The following ZNF705A variants were observed in gnomAD, a reference collection of about 807,000 sequenced individuals.
ZNF705A encodes the protein zinc finger protein 705A.
In ZNF705A, 8 loss-of-function variants were observed where a neutral mutation model predicts 16.6. The observed-to-expected ratio is 0.48, with a 90% CI of 0.28 to 0.87. The LOEUF (loss-of-function observed/expected upper bound fraction) is 0.87. ZNF705A is among the 40% of genes least tolerant of loss of function. The pLI is 0.10. For synonymous variants in ZNF705A, 73 were observed against 117.3 expected (o/e 0.62, Z 2.44); for missense variants, 233 against 359.9 (o/e 0.65, Z 2.85).
chr12:8,164,136 G>C (rs866980328), intron 1 of ZNF705A, among the ~76,000 whole-genome samples: 2 of 152,066 alleles, frequency 1.3e-5, no homozygotes, highest in African/African-American at 4.8e-5. Flanking sequence ...TTTTAAGTAT[G>C]CAATACAGTA....
chr12:8,178,911 C>T (rs930671851), exon 5 of ZNF705A: 13 of 152,240 alleles, frequency 8.5e-5, no homozygotes, highest in African/African-American at 3.1e-4. Flanking sequence ...CCTCACAGCT[C>T]ACCTCCCTTT....
At chr12:8,165,596 C>A (rs1385220486) in intron 1 of ZNF705A, among the ~76,000 whole-genome samples, 1 of 151,202 alleles carries the variant, frequency 6.6e-6, no homozygotes, top group Non-Finnish European at 1.5e-5. Flanking sequence ...TTGTGTGATG[C>A]TGAGGAGTAT....
At chr12:8,170,196 C>CAAAAAAAAAAAAAAAAAAAAA (rs1188328005), upstream of ZNF705A, among the ~76,000 whole-genome samples, 7 of 126,514 alleles carry the variant, frequency 5.5e-5, 1 homozygote, top group African/African-American at 2.2e-4. Flanking sequence ...CCCCCCCCCC[C>CAAAAAAAAAAAAAAAAAAAAA]AAAAAAAAAA....
rs773953253 is a variant in ZNF705A at position 8,177,458 on chromosome 12, A to G, written c.778A>G (p.Lys260Glu). The stretch of plus-strand genomic sequence containing the variant: ...TGGAAAAAAGTGTTATGAATGTGAT[A>G]AAAGTGGGAAAGCCTTTAGTCAAAG... Residue 260 changes from lysine to glutamate, a missense_variant, in exon 5 of 5, where the codon AAA becomes GAA. Lys to Glu is a moderately conservative substitution (Grantham distance 56, BLOSUM62 1). This residue lies in a region of ZNF705A where 220 missense variants were observed against 271.4 expected (regional missense o/e 0.81). Transcript: ENST00000359286. 5.0e-6 allele frequency: 8 copies of G among 1,612,230 alleles called. No individual in the cohort carries two copies. In the East Asian group the frequency reaches 1.8e-4, roughly 36 times the overall value.
intron 3 of ZNF705A, among the ~76,000 whole-genome samples, 164 bp from the exon 5 acceptor site, chr12:8,175,696 C>T (rs1005981171): frequency 5.3e-5 from 8 of 152,130 alleles, no homozygotes; most frequent in East Asian, 3.9e-4. Flanking sequence ...TTCTAATTGC[C>T]GACACTGTAC....
chr12:8,164,284 C>T (rs1396636110), intron 1 of ZNF705A, among the ~76,000 whole-genome samples: 1 of 152,186 alleles, frequency 6.6e-6, no homozygotes, highest in African/African-American at 2.4e-5. Context: ...CTACTCTCTG[C>T]TTTTGTGAGT....
intron 1 of ZNF705A, among the ~76,000 whole-genome samples, chr12:8,166,723 T>C (rs1250089914): frequency 6.6e-6 from 1 of 152,246 alleles, no homozygotes; most frequent in East Asian, 1.9e-4. Context: ...TTGCGCCCTC[T>C]AAAGCGGTGG....
chr12:8,172,648 G>A lies in ZNF705A; in HGVS notation c.12+11G>A, dbSNP rs769482150. On this transcript the variant is annotated intron_variant, in intron 1 of 4. Coordinates refer to ENST00000359286, the Ensembl canonical transcript of ZNF705A. ...ACAATGCATTCACTAGTGAGTAGGG[G>A]ATGCTTCTTTCTACTGAAATTATAC... The A allele has an allele frequency of 2.4e-5, 39 of 1,596,288 alleles. No individual in the cohort carries two copies. In the Admixed American group the frequency reaches 6.5e-4, roughly 27 times the overall value.
chr12:8,177,669 A>G, exon 5 of ZNF705A: 1 of 1,569,678 alleles, frequency 6.4e-7, no homozygotes, highest in Admixed American at 2.0e-5. Flanking sequence ...CTTAAATAGC[A>G]TCAGAAAATT....
At chr12:8,178,136 T>C (rs7976346) in exon 5 of ZNF705A, 81,954 of 158,016 alleles carry the variant, frequency 0.52, 21,023 homozygotes, top group Non-Finnish European at 0.56. Flanking sequence ...GAACCCTTTA[T>C]TTGTATTTTC....
At chr12:8,174,877 T>C (rs1185983893) in intron 2 of ZNF705A, among the ~76,000 whole-genome samples, 1 of 152,218 alleles carries the variant, frequency 6.6e-6, no homozygotes, top group Non-Finnish European at 1.5e-5. Context: ...AATCGAATTT[T>C]TTTTTGTTCT....
chr12:8,177,337 G>C lies in ZNF705A; in HGVS notation c.657G>C (p.Glu219Asp), dbSNP rs201182724. The C allele has an allele frequency of 2.5e-5, 40 of 1,611,814 alleles. No individual in the cohort carries two copies. The highest frequency in any genetic ancestry group is 3.0e-5 in the Non-Finnish European group (35 of 1,179,814). ...AGTGTTCTCACCTTAGAAGACATGA[G>C]AAAACTCACACGGGAGAGAGACCAT... The change falls in exon 5 of 5, where the codon GAG becomes GAC. Residue 219 changes from glutamate to aspartate, a missense_variant. Coordinates refer to ENST00000359286, the Ensembl canonical transcript of ZNF705A.
intron 3 of ZNF705A, among the ~76,000 whole-genome samples, chr12:8,175,648 C>T (rs181503406): frequency 6.6e-6 from 1 of 152,264 alleles, no homozygotes; most frequent in African/African-American, 2.4e-5. Flanking sequence ...ATCTCATCTC[C>T]ATTTTAACTC....
At chr12:8,166,557 T>C (rs545028646) in intron 1 of ZNF705A, among the ~76,000 whole-genome samples, 14 of 152,228 alleles carry the variant, frequency 9.2e-5, no homozygotes, top group Non-Finnish European at 5.9e-5. Context: ...GCCTTTTGCC[T>C]TCTGCCTCCC....
At chr12:8,177,039 A>T (rs1948489606) in exon 5 of ZNF705A, 1 of 1,611,088 alleles carries the variant, frequency 6.2e-7, no homozygotes, top group Admixed American at 1.7e-5. Context: ...GAATGTAATG[A>T]TTCGGGAGAA....
intron 1 of ZNF705A, among the ~76,000 whole-genome samples, chr12:8,159,925 A>C (rs763691369): frequency 2.6e-5 from 4 of 152,102 alleles, no homozygotes; most frequent in Admixed American, 1.3e-4. Context: ...GGGTTTTTTC[A>C]ATGCTATTTT....
At chr12:8,158,910 C>CA (rs1342693207) in intron 1 of ZNF705A, among the ~76,000 whole-genome samples, 25 of 151,914 alleles carry the variant, frequency 1.6e-4, no homozygotes, top group Admixed American at 3.3e-4. Flanking sequence ...TTTGGTGCAC[C>CA]CATCTCCCGA....
upstream of ZNF705A, among the ~76,000 whole-genome samples, chr12:8,170,184 T>TCCCCC (rs35676407): frequency 1.5e-5 from 1 of 65,988 alleles, no homozygotes; most frequent in East Asian, 4.6e-4. Flanking sequence ...AGCGAAACTC[T>TCCCCC]CCCCCCCCCC....
upstream of ZNF705A, among the ~76,000 whole-genome samples, chr12:8,170,678 G>A (rs1948438857): frequency 6.6e-6 from 1 of 152,140 alleles, no homozygotes; most frequent in African/African-American, 2.4e-5. Context: ...AGCTTTGTAG[G>A]CCTTCTCTAA....
Sources: gnomAD v4.1 joint callset for allele counts (sites outside exome capture counted in the v4.1 genomes callset) on GRCh38, gnomAD v4.1.1 for gene constraint, gnomAD v4.1.1 regional missense constraint, MANE v1.5 for transcripts, NCBI Gene and HGNC (gene_info 2026-07-23, HGNC 2026-07-21) for gene names.